SCAMP1: variants seen among roughly 807,000 people sequenced by gnomAD.
The protein encoded by SCAMP1 is secretory carrier membrane protein 1.
A neutral mutation model predicts 41.8 loss-of-function variants in SCAMP1; 15 were observed. The observed-to-expected ratio is 0.36, with a 90% CI of 0.24 to 0.55. SCAMP1 has a LOEUF of 0.55. SCAMP1 is among the 20% of genes least tolerant of loss of function. SCAMP1 has a pLI of 0.86. For synonymous variants in SCAMP1, 135 were observed against 136.8 expected (o/e 0.99, Z 0.09); for missense variants, 341 against 412.6 (o/e 0.83, Z 1.50).
chr5:78,433,147 G>A (rs1752663837), intron 6 of SCAMP1, among the ~76,000 whole-genome samples: 1 of 151,998 alleles, frequency 6.6e-6, no homozygotes, highest in South Asian at 2.1e-4. Flanking sequence ...CCACCTTTTT[G>A]ACTAGAGTCT....
chr5:78,480,071 T>C lies in SCAMP1; in HGVS notation c.*4403T>C, dbSNP rs1361160704. Among the ~76,000 whole-genome samples, 4 of 151,968 alleles carry C rather than the reference T, an allele frequency of 2.6e-5. No individual in the cohort carries two copies. The highest frequency in any genetic ancestry group is 5.9e-5 in the Non-Finnish European group (4 of 67,970). ...AAGAAAAAAAAAAAAGAATTTTCAT[T>C]AGTGCTGGCCGTGTTTCAAATGGCA... On this transcript the variant is annotated 3_prime_UTR_variant, in exon 9 of 9. Coordinates refer to ENST00000621999, the MANE Select transcript of SCAMP1 (RefSeq NM_004866.6).
chr5:78,391,874 G>C (rs1286461327), intron 2 of SCAMP1, among the ~76,000 whole-genome samples: 1 of 152,222 alleles, frequency 6.6e-6, no homozygotes, highest in Non-Finnish European at 1.5e-5. Flanking sequence ...AGGCGTGGCG[G>C]CGCGCGCCTG....
chr5:78,458,700 T>A (rs2112229453), intron 7 of SCAMP1, among the ~76,000 whole-genome samples: 1 of 152,172 alleles, frequency 6.6e-6, no homozygotes, highest in East Asian at 1.9e-4. Context: ...ACCAACATGG[T>A]GAAACCCCGT....
intron 1 of SCAMP1, among the ~76,000 whole-genome samples, chr5:78,364,135 C>T (rs1025000887): frequency 2.4e-4 from 36 of 152,194 alleles, no homozygotes; most frequent in Admixed American, 1.0e-3. Context: ...TGTCTCTGTC[C>T]TTATGGCTAT....
chr5:78,398,102 A>C (rs138703422), intron 2 of SCAMP1, among the ~76,000 whole-genome samples: 2 of 152,370 alleles, frequency 1.3e-5, no homozygotes, highest in South Asian at 4.1e-4. Context: ...TCTTGGGTAC[A>C]TACCCAAAAG....
chr5:78,474,324 T>C (rs2112259164), intron 8 of SCAMP1, among the ~76,000 whole-genome samples: 1 of 152,256 alleles, frequency 6.6e-6, no homozygotes, highest in African/African-American at 2.4e-5. Flanking sequence ...GCCGTTGGTT[T>C]CCAAGTCCAT....
chr5:78,432,286 A>G (rs1561273843), intron 6 of SCAMP1, among the ~76,000 whole-genome samples: 1 of 152,054 alleles, frequency 6.6e-6, no homozygotes, highest in Non-Finnish European at 1.5e-5. Flanking sequence ...AGCACTTTTC[A>G]TTTGTGTGTG....
intron 2 of SCAMP1, among the ~76,000 whole-genome samples, chr5:78,408,827 T>A (rs2112123731): frequency 6.6e-6 from 1 of 152,258 alleles, no homozygotes; most frequent in African/African-American, 2.4e-5. Flanking sequence ...CTCAATCTCC[T>A]GGCCTTGAGT....
chr5:78,384,686 C>CTT (rs35775409), intron 1 of SCAMP1, among the ~76,000 whole-genome samples: 17 of 151,786 alleles, frequency 1.1e-4, no homozygotes, highest in South Asian at 2.1e-4. Context: ...TTGTCAAATG[C>CTT]TTTTTTTTGT....
At chr5:78,438,424 C>T (rs184939303) in intron 6 of SCAMP1, among the ~76,000 whole-genome samples, 1 of 152,208 alleles carries the variant, frequency 6.6e-6, no homozygotes, top group Non-Finnish European at 1.5e-5. Context: ...TCTTTGTTCT[C>T]ATTGGTTTCA....
At chr5:78,386,704 C>G (rs1751350356) in intron 1 of SCAMP1, among the ~76,000 whole-genome samples, 1 of 151,804 alleles carries the variant, frequency 6.6e-6, no homozygotes, top group South Asian at 2.1e-4. Context: ...AAGTATGTAT[C>G]CTTCATTTAT....
chr5:78,376,236 G>C (rs940521652), intron 1 of SCAMP1, among the ~76,000 whole-genome samples: 1 of 152,106 alleles, frequency 6.6e-6, no homozygotes, highest in Non-Finnish European at 1.5e-5. Context: ...AATATTGGGG[G>C]TGGGTTCCCC....
At chr5:78,380,418 A>AT (rs1332553218) in intron 1 of SCAMP1, among the ~76,000 whole-genome samples, 1 of 152,246 alleles carries the variant, frequency 6.6e-6, no homozygotes, top group African/African-American at 2.4e-5. Flanking sequence ...TTAGCAATGC[A>AT]TGAGAATGCC....
intron 2 of SCAMP1, among the ~76,000 whole-genome samples, chr5:78,406,078 A>C (rs2112118955): frequency 6.6e-6 from 1 of 152,338 alleles, no homozygotes; most frequent in Non-Finnish European, 1.5e-5. Context: ...TCCTTTTGGC[A>C]GTTTAAGTGA....
intron 2 of SCAMP1, among the ~76,000 whole-genome samples, chr5:78,400,233 TA>T (rs1344430055): frequency 6.6e-6 from 1 of 152,250 alleles, no homozygotes; most frequent in Non-Finnish European, 1.5e-5. Context: ...TCTGTTTTTC[TA>T]ATCTTTTGTC....
intron 2 of SCAMP1, among the ~76,000 whole-genome samples, chr5:78,407,758 A>G (rs1392913662): frequency 6.6e-6 from 1 of 150,614 alleles, no homozygotes; most frequent in Admixed American, 6.6e-5. Context: ...CCATTCCTTT[A>G]TTATTTCATC....
At chr5:78,435,117 AG>A (rs1367228827) in intron 6 of SCAMP1, among the ~76,000 whole-genome samples, 5 of 152,236 alleles carry the variant, frequency 3.3e-5, no homozygotes, top group African/African-American at 1.2e-4. Context: ...TGTAAATATA[AG>A]TTATATATAG....
chr5:78,411,806 G>A (rs1037293630), intron 2 of SCAMP1, among the ~76,000 whole-genome samples: 5 of 152,042 alleles, frequency 3.3e-5, no homozygotes, highest in Admixed American at 1.3e-4. Flanking sequence ...ATAGTACATA[G>A]GGTATAAATA....
At chr5:78,458,802 C>A (rs1423269442) in intron 7 of SCAMP1, among the ~76,000 whole-genome samples, 1 of 152,142 alleles carries the variant, frequency 6.6e-6, no homozygotes, top group African/African-American at 2.4e-5. Context: ...ATCGCTTGAA[C>A]CCAGGAGGCG....
Sources: allele counts gnomAD v4.1 joint callset (sites outside exome capture counted in the v4.1 genomes callset), GRCh38; gene constraint gnomAD v4.1.1; transcripts MANE v1.5; gene names NCBI Gene and HGNC (gene_info 2026-07-23, HGNC 2026-07-21).